Variants in GABRB2 observed in about 807,000 individuals in gnomAD.
GABRB2 encodes the protein gamma-aminobutyric acid type A receptor subunit beta2.
Under a neutral mutation model 54.7 loss-of-function variants are expected in GABRB2, and 16 were observed. The observed-to-expected ratio is 0.29, with a 90% CI of 0.20 to 0.44. GABRB2 has a LOEUF of 0.44. GABRB2 is among the 20% of genes least tolerant of loss of function. GABRB2 has a pLI of 1.00. For missense variants in GABRB2, 355 were observed against 644.0 expected, an observed-to-expected ratio of 0.55 and a Z score of 4.86; for synonymous variants, 244 against 233.8, an observed-to-expected ratio of 1.04 and a Z score of -0.40.
At chr5:161,423,280 TGAGAG>T (rs1341532956) in intron 4 of GABRB2, among the ~76,000 whole-genome samples, 1 of 152,142 alleles carries the variant, frequency 6.6e-6, no homozygotes, top group Non-Finnish European at 1.5e-5. Flanking sequence ...CTCTTCATCT[TGAGAG>T]AAGAAAGATT....
At chr5:161,464,874 C>A (rs1007273608) in intron 3 of GABRB2, among the ~76,000 whole-genome samples, 4 of 151,972 alleles carry the variant, frequency 2.6e-5, no homozygotes, top group Non-Finnish European at 5.9e-5. Flanking sequence ...GATGAACGGT[C>A]CCCTGGGGTT....
At chr5:161,391,959 G>C (rs1755837073) in intron 5 of GABRB2, among the ~76,000 whole-genome samples, 1 of 152,200 alleles carries the variant, frequency 6.6e-6, no homozygotes, top group Non-Finnish European at 1.5e-5. Context: ...GCCTTCTGCT[G>C]TCTGTGCAGC....
At chr5:161,358,090 A>G (rs1028698364) in intron 5 of GABRB2, among the ~76,000 whole-genome samples, 3 of 152,216 alleles carry the variant, frequency 2.0e-5, no homozygotes, top group Non-Finnish European at 2.9e-5. Context: ...GATGTCTTGT[A>G]TTAAGAATTC....
At chr5:161,433,430 T>C (rs1264559225) in intron 4 of GABRB2, among the ~76,000 whole-genome samples, 1 of 141,722 alleles carries the variant, frequency 7.1e-6, no homozygotes, top group East Asian at 2.1e-4. Flanking sequence ...CAAAACCCTG[T>C]CTCTACTAAA....
intron 3 of GABRB2, among the ~76,000 whole-genome samples, chr5:161,489,625 T>G (rs745674190): frequency 6.6e-6 from 1 of 151,586 alleles, no homozygotes; most frequent in Non-Finnish European, 1.5e-5. Flanking sequence ...TAAAGGTATA[T>G]CAGGTCATAA....
intron 3 of GABRB2, among the ~76,000 whole-genome samples, chr5:161,503,851 T>C (rs1465353017): frequency 2.0e-5 from 3 of 151,436 alleles, no homozygotes; most frequent in Admixed American, 2.0e-4. Context: ...TACACACAGG[T>C]ATGAAAGAAT....
At position 161,291,121 on chromosome 5, in the gene GABRB2, A is replaced by G. The variant is rs1437426609; in HGVS notation, c.*2960T>C. 6.6e-6 allele frequency: 1 copy of G among 152,542 alleles called. No individual in the cohort carries two copies. The highest frequency in any genetic ancestry group is 1.5e-5 in the Non-Finnish European group (1 of 68,014). 9.4% of individuals were successfully genotyped at this position (152,542 alleles called of 1,614,324 possible). A position where few individuals can be genotyped will look rare whatever the true frequency, so the allele number is the denominator to read the frequency against. ...CTCTGAAATGCATTTCATACCTACT[A>G]GCGGTCATGTACAATATATATATAT... On this transcript the variant is annotated 3_prime_UTR_variant, in exon 10 of 10. Coordinates refer to ENST00000393959, the MANE Select transcript of GABRB2 (RefSeq NM_001371727.1).
At chr5:161,512,391 A>G (rs1369928269) in intron 3 of GABRB2, among the ~76,000 whole-genome samples, 1 of 151,870 alleles carries the variant, frequency 6.6e-6, no homozygotes, top group Non-Finnish European at 1.5e-5. Context: ...AAAAATAGAC[A>G]TGTAGATCCT....
chr5:161,542,170 A>G (rs1002884582), intron 3 of GABRB2, among the ~76,000 whole-genome samples: 1 of 152,176 alleles, frequency 6.6e-6, no homozygotes, highest in Non-Finnish European at 1.5e-5. Flanking sequence ...CCCCCAAACA[A>G]TTGCAATAGT....
chr5:161,418,710 G>A (rs1670062624), intron 4 of GABRB2, among the ~76,000 whole-genome samples: 1 of 152,068 alleles, frequency 6.6e-6, no homozygotes, highest in African/African-American at 2.4e-5. Flanking sequence ...ACAACCTATA[G>A]AATGGGAGAA....
intron 5 of GABRB2, among the ~76,000 whole-genome samples, chr5:161,384,832 C>T (rs71605491): frequency 0.023 from 3,459 of 152,220 alleles, 58 homozygotes; most frequent in Non-Finnish European, 0.034. Context: ...CCCTTTCTAT[C>T]CTGCCTACAT....
At chr5:161,339,032 T>C (rs1754076484) in intron 5 of GABRB2, among the ~76,000 whole-genome samples, 1 of 152,158 alleles carries the variant, frequency 6.6e-6, no homozygotes, top group Non-Finnish European at 1.5e-5. Context: ...ATGTCAAATG[T>C]AATCCAATTT....
intron 3 of GABRB2, among the ~76,000 whole-genome samples, chr5:161,511,205 C>T (rs561401850): frequency 6.6e-5 from 10 of 151,832 alleles, no homozygotes; most frequent in African/African-American, 1.2e-4. Flanking sequence ...AGAGAAGGAG[C>T]GGTTAAAAAG....
chr5:161,381,874 C>A (rs1456153235), intron 5 of GABRB2, among the ~76,000 whole-genome samples: 1 of 152,164 alleles, frequency 6.6e-6, no homozygotes, highest in Non-Finnish European at 1.5e-5. Flanking sequence ...TTTCATACAT[C>A]TGGTGTGCAG....
intron 3 of GABRB2, among the ~76,000 whole-genome samples, chr5:161,530,746 A>ATTTATTTT (rs1760432652): frequency 6.6e-6 from 1 of 152,148 alleles, no homozygotes; most frequent in Non-Finnish European, 1.5e-5. Context: ...TATGACTTTT[A>ATTTATTTT]AAATAACAAA....
intron 9 of GABRB2, among the ~76,000 whole-genome samples, chr5:161,300,218 A>G (rs1298799200): frequency 3.9e-5 from 6 of 152,234 alleles, no homozygotes; most frequent in Admixed American, 2.0e-4. Flanking sequence ...AGTTTATTGA[A>G]TTTTAATCTC....
intron 5 of GABRB2, among the ~76,000 whole-genome samples, chr5:161,404,127 T>C (rs1210617632): frequency 6.6e-6 from 1 of 152,150 alleles, no homozygotes; most frequent in Non-Finnish European, 1.5e-5. Flanking sequence ...ACAGGAAATG[T>C]CAGAGGTTCA....
intron 3 of GABRB2, among the ~76,000 whole-genome samples, chr5:161,482,159 A>ATTAAAGTACTCTCCAGGGATGTGGG (rs1758781331): frequency 6.6e-6 from 1 of 151,978 alleles, no homozygotes; most frequent in Admixed American, 6.6e-5. Flanking sequence ...CCCATTCAAC[A>ATTAAAGTACTCTCCAGGGATGTGGG]TTAAAGTACT....
chr5:161,429,215 T>C (rs373946169), intron 4 of GABRB2, among the ~76,000 whole-genome samples: 20 of 150,568 alleles, frequency 1.3e-4, no homozygotes, highest in African/African-American at 4.9e-4. Context: ...GGCATGGTGA[T>C]GCACACCTGT....
Sources: gnomAD v4.1 joint callset for allele counts (sites outside exome capture counted in the v4.1 genomes callset) on GRCh38, gnomAD v4.1.1 for gene constraint, MANE v1.5 for transcripts, NCBI Gene and HGNC (gene_info 2026-07-23, HGNC 2026-07-21) for gene names.